Variants in ZNF620 observed in about 807,000 individuals in gnomAD.
ZNF620 encodes the protein zinc finger protein 620.
Under a neutral mutation model 13.3 loss-of-function variants are expected in ZNF620, and 10 were observed. That is an observed-to-expected ratio of 0.75 (90% CI 0.46 to 1.28). ZNF620 has a LOEUF of 1.28. Ranked by LOEUF, ZNF620 falls within the 50% of genes most tolerant of loss-of-function variation. The probability of loss-of-function intolerance (pLI) is 0.00; values close to 1 mark genes in which losing one functional copy is unlikely to be tolerated. For synonymous variants in ZNF620, 166 were observed against 177.6 expected (o/e 0.93, Z 0.52); for missense variants, 461 against 500.2 (o/e 0.92, Z 0.75).
intron 2 of ZNF620, chr3:40,508,669 C>G (rs1477645031): frequency 4.6e-6 from 2 of 436,100 alleles, no homozygotes; most frequent in South Asian, 3.3e-5. Flanking sequence ...CAATCTTACT[C>G]TGTCTCCCAG....
chr3:40,516,293 C>G lies in ZNF620; in HGVS notation c.699C>G (p.Phe233Leu). The change falls in exon 5 of 5, where the codon TTC becomes TTG. Residue 233 changes from phenylalanine (F) to leucine (L), a missense_variant. Transcript: ENST00000314529. ...SFECKECGKY[F>L]RYNSLLIRHQ... The stretch of plus-strand genomic sequence containing the variant: ...AATGCAAAGAATGTGGAAAATACTT[C>G]AGATATAACTCATTACTTATTCGGC... 1 of 1,614,134 alleles carries G rather than the reference C, an allele frequency of 6.2e-7. No homozygotes were observed. Among genetic ancestry groups the G allele is most frequent in the Non-Finnish European group, 8.5e-7 (1 of 1,180,022 alleles).
In ZNF620 at chr3:40,516,234, C is replaced by A; in HGVS notation, c.640C>A (p.His214Asn). 1 of 1,614,060 alleles carries A rather than the reference C, an allele frequency of 6.2e-7. No homozygotes were observed. The highest frequency in any genetic ancestry group is 2.2e-5 in the East Asian group (1 of 44,886). Residue 214 changes from histidine (H) to asparagine (N), a missense_variant, in exon 5 of 5, where the codon CAT (histidine) becomes AAT (asparagine). Coordinates refer to ENST00000314529, the MANE Select transcript of ZNF620 (RefSeq NM_175888.4). ...YFIQMADFHR[H>N]EKCHTGEKSF... ...CATTCAAATGGCAGACTTCCACCGACATGAGAAATGTCACACTGGTGAAAA... is the reference window on the plus strand; with the variant it reads ...CATTCAAATGGCAGACTTCCACCGAAATGAGAAATGTCACACTGGTGAAAA...
intron 4 of ZNF620, among the ~76,000 whole-genome samples, 198 bp downstream of exon 4, chr3:40,512,713 G>GT (rs1227974659): frequency 6.6e-6 from 1 of 152,214 alleles, no homozygotes; most frequent in East Asian, 1.9e-4. Flanking sequence ...AGGAATGACT[G>GT]TAAGATTTCT....
intron 4 of ZNF620, among the ~76,000 whole-genome samples, chr3:40,513,669 C>T (rs912070183): frequency 1.3e-5 from 2 of 150,904 alleles, no homozygotes; most frequent in African/African-American, 4.9e-5. Flanking sequence ...CAAGCTGTTC[C>T]AGTATAATAA....
At chr3:40,511,023 C>G (rs1005967968) in intron 2 of ZNF620, among the ~76,000 whole-genome samples, 1 of 152,150 alleles carries the variant, frequency 6.6e-6, no homozygotes, top group Non-Finnish European at 1.5e-5. Flanking sequence ...GGATTACAGG[C>G]GTGAGCCACT....
Position 40,516,881 on chromosome 3 carries a change from C to G in ZNF620, c.*18C>G. 4 of 1,557,542 alleles carry G rather than the reference C, an allele frequency of 2.6e-6. No individual in the cohort carries two copies. The South Asian group carries it at 4.9e-5, about 19-fold the overall frequency. ...AAGCATAGGGCTATCCATAGTTAGG[C>G]CCACTGTGCCTCTCCTTTTTTCTCT... On this transcript the variant is annotated 3_prime_UTR_variant, in exon 5 of 5. Transcript: ENST00000314529.
intron 4 of ZNF620, among the ~76,000 whole-genome samples, chr3:40,513,229 C>T (rs982165032): frequency 5.4e-5 from 8 of 148,460 alleles, no homozygotes. Flanking sequence ...TTTTGGGAGG[C>T]TGAGGCAGGT....
chr3:40,507,541 GTATC>G (rs1375462860), intron 2 of ZNF620, among the ~76,000 whole-genome samples: 1 of 152,046 alleles, frequency 6.6e-6, no homozygotes, highest in Non-Finnish European at 1.5e-5. Context: ...TAGAATTTCT[GTATC>G]TATGTTTATG....
At chr3:40,511,247 A>G (rs891202604) in intron 2 of ZNF620, among the ~76,000 whole-genome samples, 1 of 152,134 alleles carries the variant, frequency 6.6e-6, no homozygotes, top group African/African-American at 2.4e-5. Flanking sequence ...AGCAGAGATC[A>G]GCAGATGAAA....
intron 4 of ZNF620, 50 bp downstream of exon 4, chr3:40,512,565 G>T (rs746087963): frequency 7.5e-7 from 1 of 1,324,892 alleles, no homozygotes; most frequent in Non-Finnish European, 1.0e-6. Context: ...TTGCTTTCTT[G>T]TTTTCACATT....
chr3:40,506,146 A>T lies in ZNF620; in HGVS notation c.-50+8A>T. ...AAGAGGTTCGCGGTCCGGGTAACTG[A>T]TTGGTTTTCCTGGGGCTTGTTCTGC... On this transcript the variant is annotated splice_region_variant and intron_variant, in intron 1 of 4. Transcript: ENST00000314529. The T allele has an allele frequency of 1.5e-6, 1 of 654,634 alleles. No individual in the cohort carries two copies. 40.6% of individuals were successfully genotyped at this position (654,634 alleles called of 1,614,324 possible).
At chr3:40,515,171 C>A (rs1165138380) in intron 4 of ZNF620, among the ~76,000 whole-genome samples, 1 of 152,250 alleles carries the variant, frequency 6.6e-6, no homozygotes. Context: ...ACCAGGCCCT[C>A]TTTGGGACTT....
intron 4 of ZNF620, 55 bp from the exon 5 acceptor site, chr3:40,515,804 GT>G (rs1698355333): frequency 2.4e-5 from 34 of 1,415,674 alleles, no homozygotes; most frequent in Admixed American, 1.5e-4. Context: ...GTGTGTGTGT[GT>G]GTGTGTGTGT....
At chr3:40,508,915 G>T in intron 2 of ZNF620, 1 of 366,892 alleles carries the variant, frequency 2.7e-6, no homozygotes, top group Non-Finnish European at 5.4e-6. Flanking sequence ...ACCATGCCTG[G>T]CCTTACAGTT....
At position 40,515,905 on chromosome 3, in the gene ZNF620, A is replaced by T. The variant is rs767525534; in HGVS notation, c.311A>T (p.His104Leu). ...AAGGAAGGATTAACTCCAAAGGATC[A>T]TGTGTCCAAAGAAACAGAGTCCTTC... is the stretch of plus-strand genomic sequence containing the variant. ...TEKEGLTPKDHVSKETESFRL... is the reference protein window; with the variant it reads ...TEKEGLTPKDLVSKETESFRL... Residue 104 changes from histidine (H) to leucine (L), a missense_variant, in exon 5 of 5, where the codon CAT becomes CTT. His to Leu is a moderately conservative substitution (Grantham distance 99). Transcript: ENST00000314529. 1.9e-6 allele frequency: 3 copies of T among 1,613,698 alleles called. No homozygotes were observed. Among genetic ancestry groups the T allele is most frequent in the Admixed American group, 1.7e-5 (1 of 59,926 alleles).
At chr3:40,508,340 C>T (rs1181902281) in intron 2 of ZNF620, among the ~76,000 whole-genome samples, 1 of 151,690 alleles carries the variant, frequency 6.6e-6, no homozygotes, top group Admixed American at 6.6e-5. Context: ...TATACATTTC[C>T]TCCCAAGTAC....
chr3:40,510,939 G>A (rs1254910322), intron 2 of ZNF620, among the ~76,000 whole-genome samples: 2 of 152,030 alleles, frequency 1.3e-5, no homozygotes, highest in Non-Finnish European at 2.9e-5. Flanking sequence ...TTGTAGAGAC[G>A]GGATTTCACC....
intron 4 of ZNF620, among the ~76,000 whole-genome samples, chr3:40,514,048 CTCCCTTTCCCCGGGGGAGTT>C (rs1698297772): frequency 6.6e-6 from 1 of 152,152 alleles, no homozygotes; most frequent in Admixed American, 6.5e-5. Flanking sequence ...GAAAGGGAGT[CTCCCTTTCCCCGGGGGAGTT>C]AGAGAAGACT....
At chr3:40,510,803 C>T (rs1249369507) in intron 2 of ZNF620, among the ~76,000 whole-genome samples, 6 of 152,152 alleles carry the variant, frequency 3.9e-5, no homozygotes, top group African/African-American at 1.4e-4. Flanking sequence ...GGCTGGCGTA[C>T]AGTGGTGCAA....
Sources: allele counts gnomAD v4.1 joint callset (sites outside exome capture counted in the v4.1 genomes callset), GRCh38; gene constraint gnomAD v4.1.1; transcripts MANE v1.5; gene names NCBI Gene and HGNC (gene_info 2026-07-23, HGNC 2026-07-21).